CADM2: variants seen among roughly 807,000 people sequenced by gnomAD.
The protein encoded by CADM2 is immunoglobulin superfamily member 4D.
A neutral mutation model predicts 49.8 loss-of-function variants in CADM2; 12 were observed. The ratio of observed to expected loss-of-function variants is 0.24; its 90% confidence interval spans 0.15 to 0.39. The LOEUF is 0.39. Ranked by LOEUF, CADM2 falls within the 10% of genes least tolerant of loss-of-function variation. The probability of loss-of-function intolerance (pLI) is 1.00; values close to 1 mark genes in which losing one functional copy is unlikely to be tolerated. For missense variants in CADM2, 378 were observed against 492.3 expected, an observed-to-expected ratio of 0.77 and a Z score of 2.20; for synonymous variants, 214 against 175.4, an observed-to-expected ratio of 1.22 and a Z score of -1.74.
At chr3:85,048,046 G>A (rs1373163632) in intron 1 of CADM2, among the ~76,000 whole-genome samples, 1 of 151,572 alleles carries the variant, frequency 6.6e-6, no homozygotes, top group Non-Finnish European at 1.5e-5. Context: ...CTATATTTTC[G>A]GGAAAAGAAA....
chr3:85,742,312 T>C (rs577231370), intron 2 of CADM2, among the ~76,000 whole-genome samples: 7 of 152,194 alleles, frequency 4.6e-5, no homozygotes, highest in Non-Finnish European at 8.8e-5. Context: ...ATAGATGTTA[T>C]ACATACATGT....
rs1198934462 is a variant in CADM2 at position 86,067,495 on chromosome 3, T to C, written c.*712T>C. 5 of 152,542 alleles carry C rather than the reference T, an allele frequency of 3.3e-5. No homozygotes were observed. The highest frequency in any genetic ancestry group is 7.4e-5 in the Non-Finnish European group (5 of 67,954). 9.4% of individuals were successfully genotyped at this position (152,542 alleles called of 1,614,324 possible). ...TACTATTAGGATATTGTAGCTTCAT[T>C]TACCAATAAATTATTCCAAATGATT... On this transcript the variant is annotated 3_prime_UTR_variant, in exon 10 of 10. Transcript: ENST00000383699.
rs528553556 is a variant in CADM2 at position 85,231,192 on chromosome 3, G to A, written c.61+271524G>A. Among the ~76,000 whole-genome samples the A allele has an allele frequency of 2.0e-5, 3 of 152,090 alleles. No homozygotes were observed. The East Asian group carries it at 5.8e-4, about 29-fold the overall frequency. ...TCTTTAAAGGCTCTATCTACAAATAGTCATATTCTGAGTGTTATTCAACCC... is the reference window on the plus strand; with the variant it reads ...TCTTTAAAGGCTCTATCTACAAATAATCATATTCTGAGTGTTATTCAACCC... On this transcript the variant is annotated intron_variant, in intron 1 of 9. Transcript: ENST00000383699.
intron 2 of CADM2, among the ~76,000 whole-genome samples, chr3:85,792,804 G>C (rs910834792): frequency 3.3e-5 from 5 of 152,180 alleles, no homozygotes; most frequent in Non-Finnish European, 7.3e-5. Flanking sequence ...CATCATCCTA[G>C]TCTCTTTCAA....
chr3:85,349,069 C>T lies in CADM2; in HGVS notation c.62-377453C>T, dbSNP rs144194772. On this transcript the variant is annotated intron_variant, in intron 1 of 9. Transcript: ENST00000383699. ...AAATATTCAGAGTTTCCCTGTATGGCCCCTGTTCTGAAAATCTTTATCAAG... is the reference window on the plus strand; with the variant it reads ...AAATATTCAGAGTTTCCCTGTATGGTCCCTGTTCTGAAAATCTTTATCAAG... Among the ~76,000 whole-genome samples, 352 of 152,118 alleles carry T rather than the reference C, an allele frequency of 2.3e-3. 4 individuals carry two copies. The highest frequency in any genetic ancestry group is 8.3e-3 in the African/African-American group (344 of 41,496).
chr3:85,251,630 ATTCT>A (rs574386594), intron 1 of CADM2, among the ~76,000 whole-genome samples: 186 of 152,078 alleles, frequency 1.2e-3, no homozygotes, highest in African/African-American at 4.3e-3. Context: ...CTGAATTTTC[ATTCT>A]TTCTTTTGCT....
intron 1 of CADM2, among the ~76,000 whole-genome samples, chr3:85,264,774 G>A (rs1300063325): frequency 1.3e-5 from 2 of 151,974 alleles, no homozygotes; most frequent in African/African-American, 2.4e-5. Flanking sequence ...TATGAGGTTG[G>A]AGTATGTATT....
At chr3:85,921,475 G>GT (rs770030929) in intron 6 of CADM2, among the ~76,000 whole-genome samples, 1 of 151,852 alleles carries the variant, frequency 6.6e-6, no homozygotes, top group Non-Finnish European at 1.5e-5. Flanking sequence ...ATAGTCTGGT[G>GT]TTTTTTTAAA....
At chr3:86,013,737 G>T in intron 8 of CADM2, 1 of 1,593,216 alleles carries the variant, frequency 6.3e-7, no homozygotes, top group Non-Finnish European at 8.6e-7. Flanking sequence ...TCTGCCTTAT[G>T]AAGCTGATGC....
chr3:85,344,564 C>G (rs892050525), intron 1 of CADM2, among the ~76,000 whole-genome samples: 2 of 151,344 alleles, frequency 1.3e-5, no homozygotes, highest in African/African-American at 4.9e-5. Context: ...GGAAGACTTT[C>G]CAAATTATAA....
chr3:85,903,665 G>A (rs531333337), intron 5 of CADM2, among the ~76,000 whole-genome samples: 58 of 152,212 alleles, frequency 3.8e-4, no homozygotes, highest in African/African-American at 1.4e-3. Context: ...CTCAGGAAAC[G>A]CAGGCTTTGG....
At chr3:84,987,903 C>T (rs1013194496) in intron 1 of CADM2, among the ~76,000 whole-genome samples, 1 of 152,132 alleles carries the variant, frequency 6.6e-6, no homozygotes, top group Non-Finnish European at 1.5e-5. Flanking sequence ...TAAATGAGCC[C>T]AGTTCTCCCC....
chr3:85,819,775 T>G (rs1466405420), intron 3 of CADM2, among the ~76,000 whole-genome samples: 2 of 152,182 alleles, frequency 1.3e-5, no homozygotes, highest in African/African-American at 4.8e-5. Context: ...AACTGCTTTT[T>G]GCAGTTTTTC....
chr3:85,071,293 A>G (rs2107473602), intron 1 of CADM2, among the ~76,000 whole-genome samples: 1 of 152,120 alleles, frequency 6.6e-6, no homozygotes, highest in East Asian at 1.9e-4. Context: ...TGGGAGAGGG[A>G]GAATGTCAGG....
intron 2 of CADM2, among the ~76,000 whole-genome samples, chr3:85,799,270 C>T (rs1456937436): frequency 6.6e-6 from 1 of 152,174 alleles, no homozygotes; most frequent in Non-Finnish European, 1.5e-5. Context: ...ATTTCTTTCT[C>T]TCGCCTGATT....
chr3:85,513,429 T>A (rs545617019), intron 1 of CADM2, among the ~76,000 whole-genome samples: 154 of 151,968 alleles, frequency 1.0e-3, no homozygotes, highest in Non-Finnish European at 1.9e-3. Context: ...ATAATTTACT[T>A]TTTTTTGATG....
intron 1 of CADM2, among the ~76,000 whole-genome samples, chr3:85,676,194 C>T (rs1310542514): frequency 6.6e-6 from 1 of 152,108 alleles, no homozygotes; most frequent in African/African-American, 2.4e-5. Context: ...ATGTAGCCTT[C>T]GTCCTTTATA....
intron 1 of CADM2, among the ~76,000 whole-genome samples, chr3:85,113,769 G>T (rs1239307325): frequency 1.3e-5 from 2 of 148,702 alleles, no homozygotes; most frequent in Non-Finnish European, 3.0e-5. Flanking sequence ...ATACTATTGT[G>T]GAAAGGACTT....
chr3:85,021,068 G>C (rs1213005229), intron 1 of CADM2, among the ~76,000 whole-genome samples: 1 of 136,868 alleles, frequency 7.3e-6, no homozygotes, highest in African/African-American at 2.8e-5. Flanking sequence ...AGTGAGCCAA[G>C]ATTGTGCCTT....
Sources: gnomAD v4.1 joint callset for allele counts (sites outside exome capture counted in the v4.1 genomes callset) on GRCh38, gnomAD v4.1.1 for gene constraint, MANE v1.5 for transcripts, NCBI Gene and HGNC (gene_info 2026-07-23, HGNC 2026-07-21) for gene names.